ZMAT5: variants seen among roughly 807,000 people sequenced by gnomAD.
ZMAT5 encodes the protein zinc finger matrin-type 5.
ZMAT5 carries 23 observed loss-of-function variants against 28.0 expected under a neutral mutation model. That is an observed-to-expected ratio of 0.82 (90% CI 0.59 to 1.16). ZMAT5 has a LOEUF of 1.16. Ranked by LOEUF, ZMAT5 falls within the 50% of genes most tolerant of loss-of-function variation. The pLI is 0.00. For missense variants in ZMAT5, 173 were observed against 212.7 expected, an observed-to-expected ratio of 0.81 and a Z score of 1.16; for synonymous variants, 76 against 84.1, an observed-to-expected ratio of 0.90 and a Z score of 0.52.
At chr22:29,732,989 A>G (rs972752275) in intron 5 of ZMAT5, among the ~76,000 whole-genome samples, 1 of 152,190 alleles carries the variant, frequency 6.6e-6, no homozygotes, top group African/African-American at 2.4e-5. Flanking sequence ...CTTACTGACC[A>G]GGTGCTATTC....
intron 1 of ZMAT5, among the ~76,000 whole-genome samples, chr22:29,755,447 GAAA>G (rs1222710906): frequency 6.6e-6 from 1 of 151,800 alleles, no homozygotes; most frequent in Non-Finnish European, 1.5e-5. Context: ...CAAAGAGAAA[GAAA>G]GAAGAAAACT....
At chr22:29,736,965 T>A (rs2067911255) in intron 5 of ZMAT5, among the ~76,000 whole-genome samples, 1 of 150,338 alleles carries the variant, frequency 6.7e-6, no homozygotes, top group South Asian at 2.1e-4. Flanking sequence ...GAGGTGGAGT[T>A]TGCAATGAGA....
intron 5 of ZMAT5, among the ~76,000 whole-genome samples, chr22:29,736,668 C>T (rs571653544): frequency 4.1e-3 from 541 of 132,828 alleles, no homozygotes; most frequent in Non-Finnish European, 6.1e-3. Context: ...TGCAGTGAGC[C>T]GAGATCGTGC....
At chr22:29,757,057 A>T (rs1234308640) in intron 1 of ZMAT5, among the ~76,000 whole-genome samples, 1 of 151,790 alleles carries the variant, frequency 6.6e-6, no homozygotes, top group Non-Finnish European at 1.5e-5. Flanking sequence ...TATATTTTTT[A>T]ATTAAAAAAT....
At chr22:29,734,421 GCAGATAC>G (rs1452971567) in intron 5 of ZMAT5, among the ~76,000 whole-genome samples, 1 of 152,230 alleles carries the variant, frequency 6.6e-6, no homozygotes, top group Non-Finnish European at 1.5e-5. Flanking sequence ...GGGGGAGGAA[GCAGATAC>G]CCTGAGAGGA....
chr22:29,765,649 C>T (rs1415811598), intron 1 of ZMAT5, among the ~76,000 whole-genome samples: 1 of 151,896 alleles, frequency 6.6e-6, no homozygotes, highest in African/African-American at 2.4e-5. Context: ...ATGGGAGGAT[C>T]ACCTGAAGTC....
Position 29,748,581 on chromosome 22 carries a change from C to A in ZMAT5, c.-27-10G>T. On this transcript the variant is annotated splice_polypyrimidine_tract_variant and intron_variant, in intron 1 of 5. Transcript: ENST00000344318. ...GCAGGTGCTTTGCTGCCTGGGAAGC[C>A]ACAAAGAGCTCAGATTAGACCATTG... 6.2e-7 allele frequency: 1 copy of A among 1,613,262 alleles called. No individual in the cohort carries two copies.
At chr22:29,749,614 T>C (rs2068039601) in intron 1 of ZMAT5, among the ~76,000 whole-genome samples, 1 of 152,210 alleles carries the variant, frequency 6.6e-6, no homozygotes, top group Non-Finnish European at 1.5e-5. Context: ...CTCCCTGCTT[T>C]ATTTTCCCTC....
intron 4 of ZMAT5, among the ~76,000 whole-genome samples, 158 bp from the exon 5 acceptor site, chr22:29,738,599 T>C (rs985167299): frequency 1.3e-5 from 2 of 152,056 alleles, no homozygotes; most frequent in Admixed American, 1.3e-4. Flanking sequence ...CTCCAGGCCA[T>C]CTGTGCACGA....
chr22:29,748,010 G>T, intron 2 of ZMAT5: 2 of 279,268 alleles, frequency 7.2e-6, no homozygotes, highest in Non-Finnish European at 1.4e-5. Flanking sequence ...GAAGATCCCT[G>T]CCCCAGAGCC....
At position 29,739,664 on chromosome 22, in the gene ZMAT5, C is replaced by T. The variant is rs547405350; in HGVS notation, c.271+986G>A. Among the ~76,000 whole-genome samples, 7 of 152,362 alleles carry T rather than the reference C, an allele frequency of 4.6e-5. No individual in the cohort carries two copies. The South Asian group carries it at 8.3e-4, about 18-fold the overall frequency. On this transcript the variant is annotated intron_variant, in intron 4 of 5. Transcript: ENST00000344318. ...GTCTCCAGTTCCAGGCCCACTGCCCCGTGCTCGTCCCACCATGGGCCAGCC... is the reference window on the plus strand; with the variant it reads ...GTCTCCAGTTCCAGGCCCACTGCCCTGTGCTCGTCCCACCATGGGCCAGCC...
chr22:29,759,636 G>A (rs1275973995), intron 1 of ZMAT5, among the ~76,000 whole-genome samples: 1 of 151,878 alleles, frequency 6.6e-6, no homozygotes, highest in Non-Finnish European at 1.5e-5. Context: ...CAGTTGGGGT[G>A]TCATGTGTCT....
Position 29,731,252 on chromosome 22 carries a change from A to G in ZMAT5, c.486T>C (p.Pro162=). 6.6e-7 allele frequency: 1 copy of G among 1,512,922 alleles called. No individual in the cohort carries two copies. 93.7% of individuals were successfully genotyped at this position (1,512,922 alleles called of 1,614,324 possible). ...AGCCCCACTGGACTCTGGGCTGCAGAGGCCACCCCCCAGGTGGGGGTGCCC... is the reference window on the plus strand; with the variant it reads ...AGCCCCACTGGACTCTGGGCTGCAGGGGCCACCCCCCAGGTGGGGGTGCCC... ...SLRAPPPGGW[P]LQPRVQWG is the part of the protein sequence containing the mutation. The change falls in exon 6 of 6, where the codon CCT becomes CCC. Residue 162 remains proline, a synonymous_variant. Coordinates refer to ENST00000344318, the MANE Select transcript of ZMAT5 (RefSeq NM_001003692.2).
intron 1 of ZMAT5, among the ~76,000 whole-genome samples, chr22:29,757,082 A>G (rs2068109121): frequency 6.6e-6 from 1 of 151,144 alleles, no homozygotes; most frequent in African/African-American, 2.4e-5. Context: ...TAGGTATGAT[A>G]ACACACACCT....
At position 29,742,483 on chromosome 22, in the gene ZMAT5, G is replaced by T. The variant is rs1316364437; in HGVS notation, c.128-3C>A. On this transcript the variant is annotated splice_region_variant and splice_polypyrimidine_tract_variant and intron_variant, in intron 2 of 5. Transcript: ENST00000344318. ...ATCCAGCAAGATGGCAGCTGCATCT[G>T]CGAGAGAAGAGAGGGACGGGATTCG... The T allele has an allele frequency of 6.2e-7, 1 of 1,612,360 alleles. No homozygotes were observed.
chr22:29,746,612 G>A (rs1427095228), intron 2 of ZMAT5: 2 of 152,582 alleles, frequency 1.3e-5, no homozygotes, highest in African/African-American at 2.4e-5. Flanking sequence ...GTCACCACCT[G>A]TAACTGGGAA....
At chr22:29,746,415 G>GCCAAAC (rs2068009285) in intron 2 of ZMAT5, 1 of 152,168 alleles carries the variant, frequency 6.6e-6, no homozygotes, top group African/African-American at 2.4e-5. Context: ...CTCCCAAAGT[G>GCCAAAC]CTGGGATTAC....
intron 4 of ZMAT5, among the ~76,000 whole-genome samples, chr22:29,738,654 C>T (rs1279625075): frequency 6.6e-6 from 1 of 152,080 alleles, no homozygotes; most frequent in Non-Finnish European, 1.5e-5. Flanking sequence ...CAAATAGAGA[C>T]AACCCCGGCT....
At chr22:29,762,074 CTT>C (rs1239032776) in intron 1 of ZMAT5, among the ~76,000 whole-genome samples, 2 of 152,032 alleles carry the variant, frequency 1.3e-5, no homozygotes, top group African/African-American at 2.4e-5. Flanking sequence ...TGTAGTAACT[CTT>C]TACTCTGGGG....
Sources: allele counts gnomAD v4.1 joint callset (sites outside exome capture counted in the v4.1 genomes callset), GRCh38; gene constraint gnomAD v4.1.1; transcripts MANE v1.5; gene names NCBI Gene and HGNC (gene_info 2026-07-23, HGNC 2026-07-21).